Variants in PRKCH observed in about 807,000 individuals in gnomAD.
The protein encoded by PRKCH is protein kinase C eta.
Under a neutral mutation model 82.5 loss-of-function variants are expected in PRKCH, and 28 were observed. That is an observed-to-expected ratio of 0.34 (90% CI 0.25 to 0.47). The LOEUF is 0.47. PRKCH is among the 20% of genes least tolerant of loss of function. The pLI is 1.00. For missense variants in PRKCH, 705 were observed against 881.8 expected (o/e 0.80, Z 2.54); for synonymous variants, 322 against 327.4 (o/e 0.98, Z 0.18).
intron 7 of PRKCH, 155 bp from the exon 8 acceptor site, chr14:61,457,021 C>T (rs764878229): frequency 2.9e-4 from 218 of 742,784 alleles, no homozygotes; most frequent in Non-Finnish European, 4.3e-4. Flanking sequence ...GAGGGAGTTT[C>T]GAGTGGCAGA....
rs776926132 is a variant in PRKCH, at chr14:61,549,855, G to A, written c.*24G>A. 3.1e-6 allele frequency: 5 copies of A among 1,607,702 alleles called. No homozygotes were observed. Among genetic ancestry groups the A allele is most frequent in the Middle Eastern group, 1.7e-4 (1 of 6,046 alleles). On this transcript the variant is annotated 3_prime_UTR_variant, in exon 14 of 14. Transcript: ENST00000332981. ...AGCCTTATGGGGAGTGAGAGAGAGG[G>A]CACGAGAACCCAAAGGGAATAGAGA...
chr14:61,212,440 G>A (rs978077737), intron 1 of PRKCH, among the ~76,000 whole-genome samples: 1 of 152,204 alleles, frequency 6.6e-6, no homozygotes, highest in Non-Finnish European at 1.5e-5. Flanking sequence ...ACATAGACAT[G>A]CTCACATCTG....
At chr14:61,353,239 G>T (rs753535395) in intron 1 of PRKCH, among the ~76,000 whole-genome samples, 3 of 152,178 alleles carry the variant, frequency 2.0e-5, no homozygotes, top group Non-Finnish European at 4.4e-5. Flanking sequence ...GAGAAGTAGG[G>T]TGGAATTATG....
chr14:61,357,910 C>T (rs181146451), intron 1 of PRKCH, among the ~76,000 whole-genome samples: 1 of 152,224 alleles, frequency 6.6e-6, no homozygotes, highest in East Asian at 1.9e-4. Flanking sequence ...CTCTGTGTGC[C>T]AGTGATTCCC....
chr14:61,331,125 T>C (rs2140127258), intron 1 of PRKCH, among the ~76,000 whole-genome samples: 1 of 152,270 alleles, frequency 6.6e-6, no homozygotes, highest in African/African-American at 2.4e-5. Flanking sequence ...TGTATTAATA[T>C]CTATCTAATC....
chr14:61,280,226 A>C lies in PRKCH; in HGVS notation c.-19+92558A>C, dbSNP rs1252010588. ...AAGGGGTTCTTGCCACCCATCCACG[A>C]GATGCTGCTGAAGATGAGGAGCTTG... On this transcript the variant is annotated intron_variant, in intron 1 of 3. Transcript: ENST00000555185. The surrounding 1 kb of genome is among the most constrained non-coding windows in gnomAD (Gnocchi z 5.0). The C allele has an allele frequency of 6.2e-7, 1 of 1,613,936 alleles. No individual in the cohort carries two copies. Among genetic ancestry groups the C allele is most frequent in the Non-Finnish European group, 8.5e-7 (1 of 1,180,010 alleles).
intron 10 of PRKCH, among the ~76,000 whole-genome samples, chr14:61,497,709 A>C (rs1280965377): frequency 1.3e-5 from 2 of 152,098 alleles, no homozygotes; most frequent in Non-Finnish European, 2.9e-5. Context: ...CATTGAAACT[A>C]TTGAGTGTCT....
intron 9 of PRKCH, among the ~76,000 whole-genome samples, chr14:61,466,516 G>T (rs1246492026): frequency 6.6e-6 from 1 of 152,156 alleles, no homozygotes; most frequent in African/African-American, 2.4e-5. Flanking sequence ...GGTGAGGGAT[G>T]GAGGGGGGCT....
chr14:61,449,536 G>C (rs183832833), intron 5 of PRKCH, among the ~76,000 whole-genome samples: 12 of 152,174 alleles, frequency 7.9e-5, no homozygotes, highest in Admixed American at 3.3e-4. Flanking sequence ...TGGTTGGCTG[G>C]GTATAAGCTA....
chr14:61,374,582 G>T (rs1020727168), intron 1 of PRKCH, among the ~76,000 whole-genome samples: 1 of 152,034 alleles, frequency 6.6e-6, no homozygotes, highest in Non-Finnish European at 1.5e-5. Flanking sequence ...TACACCCACA[G>T]GCCCAACACT....
intron 1 of PRKCH, among the ~76,000 whole-genome samples, chr14:61,205,486 G>T (rs112806631): frequency 6.6e-6 from 1 of 152,188 alleles, no homozygotes; most frequent in Admixed American, 6.5e-5. Flanking sequence ...GCTTCCAGGG[G>T]AGAGGCAAGG....
intron 1 of PRKCH, among the ~76,000 whole-genome samples, chr14:61,378,738 C>T (rs1405781738): frequency 1.3e-5 from 2 of 152,178 alleles, no homozygotes; most frequent in Non-Finnish European, 2.9e-5. Flanking sequence ...TCATCATTGC[C>T]TTGTGATTCT....
chr14:61,235,835 T>C (rs4433716), intron 1 of PRKCH, among the ~76,000 whole-genome samples: 47,471 of 152,048 alleles, frequency 0.31, 7,820 homozygotes, highest in African/African-American at 0.41. Context: ...TCAGATAACA[T>C]GTATGGACAG....
chr14:61,290,299 G>GA (rs200145873), intron 1 of PRKCH, among the ~76,000 whole-genome samples: 9,696 of 140,146 alleles, frequency 0.069, 526 homozygotes, highest in East Asian at 0.17. Context: ...CTCAAAAAAA[G>GA]AAAAAAAAAA....
chr14:61,437,862 C>T (rs763720083), intron 2 of PRKCH, among the ~76,000 whole-genome samples: 11 of 151,644 alleles, frequency 7.3e-5, no homozygotes, highest in Non-Finnish European at 5.9e-5. Context: ...TTTGGGAGGC[C>T]GAGGCAGGAG....
chr14:61,530,527 G>T lies in PRKCH; in HGVS notation c.1693G>T (p.Ala565Ser), dbSNP rs564614446. The part of the protein sequence containing the change: ...EAENEDDLFE[A>S]ILNDEVVYPT... ...AGAGAACGAAGATGACCTCTTTGAGGCCATACTGAATGATGAGGTGGTCTA... is the reference window on the plus strand; with the variant it reads ...AGAGAACGAAGATGACCTCTTTGAGTCCATACTGAATGATGAGGTGGTCTA... The change falls in exon 12 of 14, where the codon GCC becomes TCC. Residue 565 changes from alanine to serine, a missense_variant. Physicochemically the swap from Ala to Ser is moderately conservative, Grantham distance 99. Coordinates refer to ENST00000332981, the MANE Select transcript of PRKCH (RefSeq NM_006255.5). The T allele has an allele frequency of 6.2e-7, 1 of 1,612,092 alleles. No homozygotes were observed. The highest frequency in any genetic ancestry group is 1.3e-5 in the African/African-American group (1 of 75,014).
At chr14:61,350,125 T>TAATA (rs1338125829) in intron 1 of PRKCH, among the ~76,000 whole-genome samples, 73 of 152,320 alleles carry the variant, frequency 4.8e-4, no homozygotes, top group African/African-American at 1.7e-3. Context: ...TATATAGTGC[T>TAATA]TTATATGCTG....
At chr14:61,454,582 C>T (rs186395996) in intron 7 of PRKCH, among the ~76,000 whole-genome samples, 2 of 152,322 alleles carry the variant, frequency 1.3e-5, no homozygotes, top group Admixed American at 1.3e-4. Flanking sequence ...CTCTGCACAG[C>T]CCTGGAGTCC....
intron 2 of PRKCH, among the ~76,000 whole-genome samples, chr14:61,392,493 C>T (rs932885044): frequency 6.6e-6 from 1 of 152,134 alleles, no homozygotes; most frequent in African/African-American, 2.4e-5. Flanking sequence ...TTGCATTTCC[C>T]TGATGGTGAG....
Sources: gnomAD v4.1 joint callset for allele counts (sites outside exome capture counted in the v4.1 genomes callset) on GRCh38, gnomAD v4.1.1 for gene constraint, Gnocchi (gnomAD v3.1) non-coding constraint, MANE v1.5 for transcripts, NCBI Gene and HGNC (gene_info 2026-07-23, HGNC 2026-07-21) for gene names.